The following NEO1 variants were observed in gnomAD, a reference collection of about 807,000 sequenced individuals.
NEO1 encodes the protein neogenin 1.
In NEO1, 63 loss-of-function variants were observed where a neutral mutation model predicts 159.7. That is an observed-to-expected ratio of 0.39 (90% CI 0.32 to 0.49). The LOEUF (loss-of-function observed/expected upper bound fraction) is 0.49. NEO1 is among the 20% of genes least tolerant of loss of function. The probability of loss-of-function intolerance (pLI) is 0.85; values close to 1 mark genes in which losing one functional copy is unlikely to be tolerated. For synonymous variants in NEO1, 633 were observed against 662.0 expected (o/e 0.96, Z 0.67); for missense variants, 1,615 against 1,831.0 (o/e 0.88, Z 2.15).
intron 16 of NEO1, among the ~76,000 whole-genome samples, chr15:73,269,265 A>C (rs1398358829): frequency 6.6e-6 from 1 of 152,184 alleles, no homozygotes; most frequent in Non-Finnish European, 1.5e-5. Context: ...AGCCACATTC[A>C]CTGAAATCTC....
intron 1 of NEO1, among the ~76,000 whole-genome samples, chr15:73,075,149 A>G (rs911900623): frequency 6.6e-6 from 1 of 152,170 alleles, no homozygotes; most frequent in Non-Finnish European, 1.5e-5. Flanking sequence ...AGACCATACA[A>G]AGAAGTAAGT....
intron 5 of NEO1, among the ~76,000 whole-genome samples, chr15:73,175,546 T>C (rs543724328): frequency 1.2e-4 from 18 of 152,352 alleles, no homozygotes; most frequent in Middle Eastern, 3.4e-3. Context: ...GCTGGGCAGA[T>C]GTTAGGTCAA....
chr15:73,125,101 G>GTTT, intron 3 of NEO1, among the ~76,000 whole-genome samples: 1 of 152,144 alleles, frequency 6.6e-6, no homozygotes, highest in Non-Finnish European at 1.5e-5. Context: ...AGTGTCAAAA[G>GTTT]GTGAGATCAC....
At chr15:73,265,197 A>T (rs534682873) in intron 15 of NEO1, among the ~76,000 whole-genome samples, 2 of 152,224 alleles carry the variant, frequency 1.3e-5, no homozygotes, top group Non-Finnish European at 2.9e-5. Context: ...AGTAGATTCA[A>T]CAAAACTTGA....
intron 4 of NEO1, among the ~76,000 whole-genome samples, chr15:73,126,912 T>C (rs1780071087): frequency 6.6e-6 from 1 of 152,176 alleles, no homozygotes; most frequent in Non-Finnish European, 1.5e-5. Context: ...ATTTTTTTGA[T>C]AGTAGTTTTT....
intron 7 of NEO1, among the ~76,000 whole-genome samples, chr15:73,191,671 G>A (rs2036243974): frequency 6.6e-6 from 1 of 151,952 alleles, no homozygotes; most frequent in Admixed American, 6.6e-5. Context: ...ATAATATTCA[G>A]TTAGATCATT....
intron 8 of NEO1, among the ~76,000 whole-genome samples, chr15:73,240,272 TGATA>T (rs768820169): frequency 8.5e-5 from 13 of 152,242 alleles, no homozygotes; most frequent in Non-Finnish European, 1.5e-4. Context: ...TTAAATTTTA[TGATA>T]GATTGTGGGT....
chr15:73,280,970 C>T (rs2041666917), intron 22 of NEO1, among the ~76,000 whole-genome samples: 1 of 151,698 alleles, frequency 6.6e-6, no homozygotes, highest in Admixed American at 6.6e-5. Flanking sequence ...CTTTGGGAGG[C>T]TGAGGTAGGC....
intron 15 of NEO1, among the ~76,000 whole-genome samples, chr15:73,265,988 C>G (rs1430810104): frequency 1.3e-5 from 2 of 152,192 alleles, no homozygotes; most frequent in African/African-American, 4.8e-5. Flanking sequence ...CTATAGACTT[C>G]AGCACATTAA....
rs372895380 is a variant in NEO1, at chr15:73,185,140, C to T, written c.1291+6713C>T. Among the ~76,000 whole-genome samples, 13 of 151,994 alleles carry T rather than the reference C, an allele frequency of 8.6e-5. No homozygotes were observed. In the East Asian group the frequency reaches 1.4e-3, roughly 16 times the overall value. ...GTTGCCAGGGTTTGGGAGGAGAGAGCGATGAATAAGCAGAACACAGATGTT... is the reference window on the plus strand; with the variant it reads ...GTTGCCAGGGTTTGGGAGGAGAGAGTGATGAATAAGCAGAACACAGATGTT... On this transcript the variant is annotated intron_variant, in intron 7 of 28. Coordinates refer to ENST00000261908, the MANE Select transcript of NEO1 (RefSeq NM_002499.4).
chr15:73,288,716 GCTT>G (rs901541442), intron 24 of NEO1, among the ~76,000 whole-genome samples, 165 bp downstream of exon 24: 1 of 151,974 alleles, frequency 6.6e-6, no homozygotes, highest in Non-Finnish European at 1.5e-5. Flanking sequence ...AGAATACCTA[GCTT>G]CTTATGGGAG....
intron 26 of NEO1, among the ~76,000 whole-genome samples, chr15:73,295,145 T>TATATATATATATATATATATATATAA (rs1306550657): frequency 3.7e-5 from 5 of 134,924 alleles, no homozygotes; most frequent in Non-Finnish European, 4.9e-5. Flanking sequence ...TATATATATG[T>TATATATATATATATATATATATATAA]AAAAATTTGG....
chr15:73,219,158 T>C (rs1171505388), intron 7 of NEO1, among the ~76,000 whole-genome samples: 2 of 152,040 alleles, frequency 1.3e-5, no homozygotes, highest in Non-Finnish European at 2.9e-5. Context: ...ACATCTTTAT[T>C]TCTGCCTTCA....
At chr15:73,147,073 G>A (rs954539824) in intron 5 of NEO1, among the ~76,000 whole-genome samples, 1 of 152,116 alleles carries the variant, frequency 6.6e-6, no homozygotes, top group Non-Finnish European at 1.5e-5. Flanking sequence ...CCCTGATTTC[G>A]AGCCTCTGGC....
upstream of NEO1, chr15:73,051,750 C>T (rs2151175763): frequency 6.6e-6 from 1 of 152,018 alleles, no homozygotes; most frequent in East Asian, 1.9e-4. Context: ...ACGGGAGCCG[C>T]GCCAGGGCCC....
rs544939369 is a variant in NEO1 at position 73,179,628 on chromosome 15, C to T, written c.1291+1201C>T. Reference sequence around the variant, plus strand: ...TGATAAAGTTTAATACATATGCCAGCTGGCAAAGGAAAAGTATATAAAGGA... The same window carrying T: ...TGATAAAGTTTAATACATATGCCAGTTGGCAAAGGAAAAGTATATAAAGGA... On this transcript the variant is annotated intron_variant, in intron 7 of 28. Coordinates refer to ENST00000261908, the MANE Select transcript of NEO1 (RefSeq NM_002499.4). 3.3e-5 allele frequency among the ~76,000 whole-genome samples: 5 copies of T among 152,248 alleles called. No individual in the cohort carries two copies. In the South Asian group the frequency reaches 1.0e-3, roughly 32 times the overall value.
chr15:73,185,703 T>C (rs978260085), intron 7 of NEO1, among the ~76,000 whole-genome samples: 2 of 152,234 alleles, frequency 1.3e-5, no homozygotes, highest in Non-Finnish European at 2.9e-5. Context: ...TTTTACTCAT[T>C]ATTGCCAAAA....
intron 1 of NEO1, among the ~76,000 whole-genome samples, chr15:73,055,943 C>T (rs1370683778): frequency 6.6e-6 from 1 of 152,140 alleles, no homozygotes; most frequent in Non-Finnish European, 1.5e-5. Context: ...CATCTTCATC[C>T]CCACCTGGAC....
intron 2 of NEO1, 39 bp downstream of exon 2, chr15:73,116,896 A>G (rs777345178): frequency 1.4e-6 from 2 of 1,427,868 alleles, no homozygotes; most frequent in Non-Finnish European, 1.9e-6. Flanking sequence ...ATTTTCAAAT[A>G]TTTATAACAT....
Sources: allele counts gnomAD v4.1 joint callset (sites outside exome capture counted in the v4.1 genomes callset), GRCh38; gene constraint gnomAD v4.1.1; transcripts MANE v1.5; gene names NCBI Gene and HGNC (gene_info 2026-07-23, HGNC 2026-07-21).